MUC5B: variants seen among roughly 807,000 people sequenced by gnomAD.
MUC5B encodes mucin 5B, oligomeric mucus/gel-forming.
A neutral mutation model predicts 376.9 loss-of-function variants in MUC5B; 116 were observed. That is an observed-to-expected ratio of 0.31 (90% CI 0.26 to 0.36). The LOEUF (loss-of-function observed/expected upper bound fraction) is 0.36. MUC5B is among the 10% of genes least tolerant of loss of function. MUC5B has a pLI of 1.00. For synonymous variants in MUC5B, 3,517 were observed against 3,390.9 expected, an observed-to-expected ratio of 1.04 and a Z score of -1.29; for missense variants, 7,165 against 7,769.9, an observed-to-expected ratio of 0.92 and a Z score of 2.93.
chr11:1,230,406 C>G, intron 11 of MUC5B, 84 bp from the exon 12 acceptor site: 4 of 1,325,642 alleles, frequency 3.0e-6, no homozygotes, highest in African/African-American at 2.9e-5. Flanking sequence ...CCACATCCCC[C>G]ACATGGGCAT....
chr11:1,256,142 C>G lies in MUC5B; in HGVS notation c.16067-14C>G. 1 of 725,706 alleles carries G rather than the reference C, an allele frequency of 1.4e-6. No homozygotes were observed. Among genetic ancestry groups the G allele is most frequent in the Non-Finnish European group, 2.6e-6 (1 of 390,438 alleles). 45.0% of individuals were successfully genotyped at this position (725,706 alleles called of 1,614,324 possible). On this transcript the variant is annotated splice_polypyrimidine_tract_variant and intron_variant, in intron 37 of 48. Transcript: ENST00000529681. ...CAACCCCTTGGCTTGTCTGACACCT[C>G]TCTGTGCCCACAGACCTCACCTGCC...
At chr11:1,229,960 A>T (rs772938535) in intron 10 of MUC5B, 45 bp from the exon 11 acceptor site, 9 of 1,560,628 alleles carry the variant, frequency 5.8e-6, no homozygotes, top group Non-Finnish European at 7.8e-6. Flanking sequence ...GGTGGGGCCC[A>T]CCTCCTCCCG....
At position 1,253,153 on chromosome 11, in the gene MUC5B, T is replaced by C; in HGVS notation, c.15217+173T>C. On this transcript the variant is annotated intron_variant, in intron 33 of 48. Transcript: ENST00000529681. The surrounding 1 kb of genome is among the most constrained non-coding windows in gnomAD (Gnocchi z 4.3). The stretch of plus-strand genomic sequence containing the variant: ...GGGCATGGTGGGGCATGGTGGGGTG[T>C]GGTGGTGGTGTTTGGGAGATCGCTG... The C allele has an allele frequency of 3.9e-6, 3 of 760,458 alleles. No individual in the cohort carries two copies. The highest frequency in any genetic ancestry group is 5.4e-5 in the East Asian group (2 of 36,990). The allele number at this position is 760,458 out of a possible 1,614,324, so 47.1% of individuals were successfully genotyped here.
chr11:1,255,378 C>A lies in MUC5B; in HGVS notation c.15891-5C>A. 2 of 1,588,354 alleles carry A rather than the reference C, an allele frequency of 1.3e-6. No individual in the cohort carries two copies. Among genetic ancestry groups the A allele is most frequent in the South Asian group, 1.1e-5 (1 of 88,632 alleles). On this transcript the variant is annotated splice_polypyrimidine_tract_variant and splice_region_variant and intron_variant, in intron 36 of 48. Transcript: ENST00000529681. The stretch of plus-strand genomic sequence containing the variant: ...GCCCTCCGTCCTGATCGCTTTGCCC[C>A]ACAGGGTCTTTGCTGAGTGCCACAA...
chr11:1,261,898 G>A lies in MUC5B; in HGVS notation c.*290G>A. On this transcript the variant is annotated 3_prime_UTR_variant, in exon 49 of 49. Transcript: ENST00000529681. ...ACTGGGACGCCCTGGAACAAACTAA[G>A]CATGTGCGGGCCTATGTGTCCCTGC... is the stretch of plus-strand genomic sequence containing the variant. 3.1e-6 allele frequency: 2 copies of A among 646,338 alleles called. No individual in the cohort carries two copies. The highest frequency in any genetic ancestry group is 1.5e-5 in the South Asian group (1 of 66,216). 40.0% of individuals were successfully genotyped at this position (646,338 alleles called of 1,614,324 possible).
At position 1,258,797 on chromosome 11, in the gene MUC5B, G is replaced by T; in HGVS notation, c.16594-145G>T. On this transcript the variant is annotated intron_variant, in intron 43 of 48. Transcript: ENST00000529681. This position sits in a 1 kb window ranked among gnomAD's most constrained non-coding sequence, Gnocchi z 5.5. ...CCCTGTGTGCATCAGCTCCCTGCCTGCCTGGGTCCATGCTCAGCCAGGGGT... is the reference window on the plus strand; with the variant it reads ...CCCTGTGTGCATCAGCTCCCTGCCTTCCTGGGTCCATGCTCAGCCAGGGGT... 8.4e-7 allele frequency: 1 copy of T among 1,187,386 alleles called. No individual in the cohort carries two copies. Among genetic ancestry groups the T allele is most frequent in the African/African-American group, 1.5e-5 (1 of 65,784 alleles). 73.6% of individuals were successfully genotyped at this position (1,187,386 alleles called of 1,614,324 possible). A position where few individuals can be genotyped will look rare whatever the true frequency, so the allele number is the denominator to read the frequency against.
Position 1,250,691 on chromosome 11 carries a change from C to A in MUC5B, c.13811C>A (p.Thr4604Asn), listed in dbSNP as rs371969141. 3.1e-6 allele frequency: 5 copies of A among 1,613,116 alleles called. No individual in the cohort carries two copies. The highest frequency in any genetic ancestry group is 4.2e-6 in the Non-Finnish European group (5 of 1,179,554). The change falls in exon 31 of 49, where the codon ACC becomes AAC. Residue 4604 changes from threonine to asparagine, a missense_variant. Around this residue, in one of 31 missense-constraint regions of MUC5B, gnomAD observed 730 missense variants for 592.7 expected, o/e 1.23. Transcript: ENST00000529681. ...PTTTTTGFTA[T>N]PSSSPGTALT... ...ACCACAACCACGGGCTTCACAGCCACCCCCTCCTCCAGCCCAGGGACGGCA... is the reference window on the plus strand; with the variant it reads ...ACCACAACCACGGGCTTCACAGCCAACCCCTCCTCCAGCCCAGGGACGGCA...
intron 1 of MUC5B, 75 bp from the exon 2 acceptor site, chr11:1,225,606 G>T: frequency 7.2e-7 from 1 of 1,385,222 alleles, no homozygotes; most frequent in Non-Finnish European, 1.0e-6. Flanking sequence ...CAGGGATGTG[G>T]CCAGGTCCGT....
Position 1,247,154 on chromosome 11 carries a change from C to T in MUC5B, c.10274C>T (p.Thr3425Ile), listed in dbSNP as rs1358210166. 8 of 1,540,194 alleles carry T rather than the reference C, an allele frequency of 5.2e-6. No individual in the cohort carries two copies. The highest frequency in any genetic ancestry group is 6.2e-6 in the Non-Finnish European group (7 of 1,129,706). The change falls in exon 31 of 49, where the codon ACA becomes ATA. Residue 3425 changes from threonine (T) to isoleucine (I), a missense_variant. By Grantham distance (89) the Thr-to-Ile change is moderately conservative (BLOSUM62 -1). Around this residue, in one of 31 missense-constraint regions of MUC5B, gnomAD observed 939 missense variants for 770.6 expected, o/e 1.22. Transcript: ENST00000529681. ...CCAGTGCTGACCACCACCGCCACCA[C>T]ACCTGCAGCCACCAGCAGCACAGTG... ...IPPVLTTTAT[T>I]PAATSSTVTP...
Position 1,246,308 on chromosome 11 carries a change from C to G in MUC5B, c.9428C>G (p.Thr3143Ser), listed in dbSNP as rs1234453156. 1 of 1,601,484 alleles carries G rather than the reference C, an allele frequency of 6.2e-7. No individual in the cohort carries two copies. The highest frequency in any genetic ancestry group is 1.3e-5 in the African/African-American group (1 of 74,526). Residue 3143 changes from threonine to serine, a missense_variant, in exon 31 of 49, where the codon ACT becomes AGT. Physicochemically the swap from Thr to Ser is moderately conservative, Grantham distance 58. Coordinates refer to ENST00000529681, the MANE Select transcript of MUC5B (RefSeq NM_002458.3). ...WILTELTTAA[T>S]TTAATGPTAT... is the part of the protein sequence containing the mutation. ...CTCACAGAGCTGACCACAGCAGCCA[C>G]TACAACTGCAGCCACTGGCCCCACG...
Position 1,249,352 on chromosome 11 carries a change from A to G in MUC5B, c.12472A>G (p.Ile4158Val), listed in dbSNP as rs1862599267. Residue 4158 changes from isoleucine (I) to valine (V), a missense_variant, in exon 31 of 49, where the codon ATC (isoleucine) becomes GTC (valine). Coordinates refer to ENST00000529681, the MANE Select transcript of MUC5B (RefSeq NM_002458.3). ...SGGDFDTYSNIRAAGGAVCEQ... is the reference protein window; with the variant it reads ...SGGDFDTYSNVRAAGGAVCEQ... ...CGGGGACTTTGACACCTACTCCAAC[A>G]TCCGTGCGGCCGGAGGGGCCGTCTG... The G allele has an allele frequency of 1.2e-6, 2 of 1,610,492 alleles. No homozygotes were observed. The highest frequency in any genetic ancestry group is 1.7e-6 in the Non-Finnish European group (2 of 1,179,408).
At chr11:1,231,140 G>A (rs1161792837) in intron 13 of MUC5B, 135 bp downstream of exon 13, 21 of 963,736 alleles carry the variant, frequency 2.2e-5, no homozygotes, top group East Asian at 1.4e-4. Flanking sequence ...CCCTGTGCTC[G>A]GTTTCTCGTC....
chr11:1,223,134 C>G lies in MUC5B; in HGVS notation c.11C>G (p.Pro4Arg), dbSNP rs760804632. MGA[P>R]SACRTLVLAL... ...GTGCCAGCCCCCAGGATGGGTGCCCCGAGCGCGTGCCGGACGCTGGTGTTG... is the reference window on the plus strand; with the variant it reads ...GTGCCAGCCCCCAGGATGGGTGCCCGGAGCGCGTGCCGGACGCTGGTGTTG... The change falls in exon 1 of 49, where the codon CCG (proline) becomes CGG (arginine). Residue 4 changes from proline (P) to arginine (R), a missense_variant. Coordinates refer to ENST00000529681, the MANE Select transcript of MUC5B (RefSeq NM_002458.3). 1.4e-6 allele frequency: 1 copy of G among 705,506 alleles called. No homozygotes were observed. The highest frequency in any genetic ancestry group is 1.5e-5 in the South Asian group (1 of 67,404). The allele number at this position is 705,506 out of a possible 1,614,324, so 43.7% of individuals were successfully genotyped here. A position where few individuals can be genotyped will look rare whatever the true frequency, so the allele number is the denominator to read the frequency against.
Position 1,251,101 on chromosome 11 carries a change from A to G in MUC5B, c.14221A>G (p.Thr4741Ala). ...AACCACCCTTCCAGTGCTGACAAGC[A>G]CAGCCACAAAATCCACAGCTACCAG... ...TATTLPVLTS[T>A]ATKSTATSFT... is the part of the protein sequence containing the mutation. Residue 4741 changes from threonine (T) to alanine (A), a missense_variant, in exon 31 of 49, where the codon ACA becomes GCA. Thr to Ala is a moderately conservative substitution (Grantham distance 58). Around this residue, in one of 31 missense-constraint regions of MUC5B, gnomAD observed 730 missense variants for 592.7 expected, o/e 1.23. Transcript: ENST00000529681. 1 of 1,610,016 alleles carries G rather than the reference A, an allele frequency of 6.2e-7. No individual in the cohort carries two copies. The highest frequency in any genetic ancestry group is 2.2e-5 in the East Asian group (1 of 44,866).
At chr11:1,226,544 G>T in intron 3 of MUC5B, 71 bp from the exon 4 acceptor site, 1 of 1,524,276 alleles carries the variant, frequency 6.6e-7, no homozygotes, top group South Asian at 1.2e-5. Flanking sequence ...AAACCAGGGT[G>T]CCTCGGCCCA....
Position 1,259,736 on chromosome 11 carries a change from C to T in MUC5B, c.16714-20C>T, listed in dbSNP as rs368343104. 37 of 1,609,876 alleles carry T rather than the reference C, an allele frequency of 2.3e-5. No individual in the cohort carries two copies. The highest frequency in any genetic ancestry group is 1.6e-4 in the Middle Eastern group (1 of 6,072). Reference sequence around the variant, plus strand: ...GCTGGAGGAGAGGGTTAGGGCCTGACGCCCCTCATGTCCCCACAGGGCTTT... The same window carrying T: ...GCTGGAGGAGAGGGTTAGGGCCTGATGCCCCTCATGTCCCCACAGGGCTTT... On this transcript the variant is annotated intron_variant, in intron 44 of 48. Transcript: ENST00000529681.
At position 1,248,588 on chromosome 11, in the gene MUC5B, C is replaced by T. The variant is rs369796137; in HGVS notation, c.11708C>T (p.Thr3903Met). The T allele has an allele frequency of 6.9e-5, 111 of 1,612,952 alleles. No homozygotes were observed. Among genetic ancestry groups the T allele is most frequent in the African/African-American group, 8.0e-5 (6 of 74,908 alleles). The change falls in exon 31 of 49, where the codon ACG (threonine) becomes ATG (methionine). Residue 3903 changes from threonine to methionine, a missense_variant. Transcript: ENST00000529681. ...TTTTPTTSGS[T>M]VTPSSVPGTT... is the part of the protein sequence containing the mutation. ...ACCACACCCACAACCAGTGGCTCCA[C>T]GGTGACCCCCTCCTCCGTCCCGGGG...
chr11:1,226,209 C>T lies in MUC5B; in HGVS notation c.132C>T (p.Ala44=). 1.3e-6 allele frequency: 2 copies of T among 1,551,254 alleles called. No homozygotes were observed. The change falls in exon 3 of 49, where the codon GCC becomes GCT. Residue 44 remains alanine, a synonymous_variant. Coordinates refer to ENST00000529681, the MANE Select transcript of MUC5B (RefSeq NM_002458.3). ...GTGACCAGCCTTCACCCACAGGTGC[C>T]CCGACGTCCTCGCCCACCCGGCGCG... The part of the protein sequence containing the change: ...ENAGHTMDGG[A]PTSSPTRRVS...
chr11:1,243,077 G>C lies in MUC5B; in HGVS notation c.6197G>C (p.Ser2066Thr). 1 of 1,610,710 alleles carries C rather than the reference G, an allele frequency of 6.2e-7. No individual in the cohort carries two copies. Among genetic ancestry groups the C allele is most frequent in the Non-Finnish European group, 8.5e-7 (1 of 1,178,724 alleles). The change falls in exon 31 of 49, where the codon AGC (serine) becomes ACC (threonine). Residue 2066 changes from serine (S) to threonine (T), a missense_variant. Ser to Thr is a moderately conservative substitution (Grantham distance 58). Around this residue, in one of 31 missense-constraint regions of MUC5B, gnomAD observed 897 missense variants for 779.6 expected, o/e 1.15. Transcript: ENST00000529681. ...TTGFTATPSS[S>T]PGTALTPPVW... is the part of the protein sequence containing the mutation. Reference sequence around the variant, plus strand: ...GGCTTCACAGCCACCCCCTCCTCCAGCCCAGGGACGGCACTCACGCCTCCA... The same window carrying C: ...GGCTTCACAGCCACCCCCTCCTCCACCCCAGGGACGGCACTCACGCCTCCA...
Sources: allele counts gnomAD v4.1 joint callset, GRCh38; gene constraint gnomAD v4.1.1; regional missense constraint gnomAD v4.1.1; non-coding constraint Gnocchi (gnomAD v3.1); transcripts MANE v1.5; gene names NCBI Gene and HGNC (gene_info 2026-07-23, HGNC 2026-07-21).